Variants in SNX25 observed in about 807,000 individuals in gnomAD.
SNX25 encodes sorting nexin 25.
Under a neutral mutation model 113.7 loss-of-function variants are expected in SNX25, and 62 were observed. The observed-to-expected ratio is 0.55, with a 90% CI of 0.44 to 0.67. SNX25 has a LOEUF of 0.67. SNX25 is among the 30% of genes least tolerant of loss of function. SNX25 has a pLI of 0.00. For missense variants in SNX25, 1,014 were observed against 1,161.0 expected (o/e 0.87, Z 1.84); for synonymous variants, 421 against 436.2 (o/e 0.97, Z 0.43).
intron 9 of SNX25, among the ~76,000 whole-genome samples, chr4:185,328,633 G>A (rs1413849433): frequency 1.3e-5 from 2 of 152,196 alleles, no homozygotes; most frequent in Admixed American, 1.3e-4. Context: ...GTCATGCCAA[G>A]TTAAATTAAA....
intron 6 of SNX25, among the ~76,000 whole-genome samples, chr4:185,297,004 TGA>T (rs1752926735): frequency 6.6e-6 from 1 of 152,218 alleles, no homozygotes; most frequent in African/African-American, 2.4e-5. Context: ...TCAGTCTTCT[TGA>T]AATTCCACTG....
In SNX25 at chr4:185,349,216, A is replaced by G. The variant is rs149889497; in HGVS notation, c.2302-2229A>G. 3.2e-3 allele frequency among the ~76,000 whole-genome samples: 488 copies of G among 152,298 alleles called. 3 individuals are homozygous for G. Among genetic ancestry groups the G allele is most frequent in the African/African-American group, 0.011 (444 of 41,572 alleles). On this transcript the variant is annotated intron_variant, in intron 13 of 18. Transcript: ENST00000652585. ...CAAAAAATTCTCATAATGTTTTAAG[A>G]AAGTTCACAAATTTGCATTGGGCTG...
At chr4:185,257,426 G>A (rs1462521330) in intron 2 of SNX25, among the ~76,000 whole-genome samples, 4 of 151,996 alleles carry the variant, frequency 2.6e-5, no homozygotes, top group African/African-American at 7.3e-5. Context: ...ACTAGACAGC[G>A]GCTATAGAGC....
rs1169318484 is a variant in SNX25 at position 185,339,405 on chromosome 4, A to G, written c.1941A>G (p.Ile647Met). ...KKIVSKLKDE[I>M]ILIEKERTDL... ...TTGTTTCCAAGTTGAAGGATGAAATAATCCTAATAGAGAAAGAACGCACAG... is the reference window on the plus strand; with the variant it reads ...TTGTTTCCAAGTTGAAGGATGAAATGATCCTAATAGAGAAAGAACGCACAG... The change falls in exon 11 of 19, where the codon ATA (isoleucine) becomes ATG (methionine). Residue 647 changes from isoleucine to methionine, a missense_variant. Transcript: ENST00000652585. The G allele has an allele frequency of 1.2e-6, 2 of 1,613,936 alleles. No individual in the cohort carries two copies. The highest frequency in any genetic ancestry group is 2.7e-5 in the African/African-American group (2 of 74,932).
chr4:185,230,354 CTAA>C (rs994225066), intron 1 of SNX25, among the ~76,000 whole-genome samples: 41 of 151,348 alleles, frequency 2.7e-4, no homozygotes, highest in African/African-American at 9.5e-4. Context: ...TCTGATTTTC[CTAA>C]TAATAACACA....
rs942387352 is a variant in SNX25, at chr4:185,210,300, G to A, written c.429+45G>A. The stretch of plus-strand genomic sequence containing the variant: ...CCGCCCAGCTCCGCCGGCCCTCCCC[G>A]CTTCCGGTGCCAGCTCCCGCGCCCC... On this transcript the variant is annotated intron_variant, in intron 1 of 18. Coordinates refer to ENST00000652585, the MANE Select transcript of SNX25 (RefSeq NM_001378034.2). This position sits in a 1 kb window ranked among gnomAD's most constrained non-coding sequence, Gnocchi z 4.4. 884 of 984,488 alleles carry A rather than the reference G, an allele frequency of 9.0e-4. 2 individuals carry two copies. Among genetic ancestry groups the A allele is most frequent in the Non-Finnish European group, 1.0e-3 (836 of 829,738 alleles). 61.0% of individuals were successfully genotyped at this position (984,488 alleles called of 1,614,324 possible). A position where few individuals can be genotyped will look rare whatever the true frequency, so the allele number is the denominator to read the frequency against.
At chr4:185,362,921 C>T (rs2095372656) in intron 18 of SNX25, among the ~76,000 whole-genome samples, 1 of 149,056 alleles carries the variant, frequency 6.7e-6, no homozygotes, top group Non-Finnish European at 1.5e-5. Flanking sequence ...TGGCTCACTG[C>T]AACCTCTGCC....
chr4:185,239,460 C>T (rs754036934), intron 1 of SNX25, among the ~76,000 whole-genome samples: 3 of 149,522 alleles, frequency 2.0e-5, no homozygotes, highest in Admixed American at 2.0e-4. Flanking sequence ...TCCAGCCTGG[C>T]AACAGAGTGA....
intron 1 of SNX25, among the ~76,000 whole-genome samples, chr4:185,239,758 G>A (rs1743351195): frequency 1.4e-5 from 2 of 141,786 alleles, no homozygotes; most frequent in South Asian, 4.6e-4. Context: ...TAGAAAATAA[G>A]GTGTATTTTT....
chr4:185,363,498 G>C lies in SNX25; in HGVS notation c.*33G>C. On this transcript the variant is annotated 3_prime_UTR_variant, in exon 19 of 19. Transcript: ENST00000652585. This position sits in a 1 kb window ranked among gnomAD's most constrained non-coding sequence, Gnocchi z 4.2. ...CAAATAAACCACCAGAAAAATGTCT[G>C]TGTAATAATAGACATGAAACATTTT... 6.3e-7 allele frequency: 1 copy of C among 1,582,642 alleles called. No homozygotes were observed. The highest frequency in any genetic ancestry group is 8.7e-7 in the Non-Finnish European group (1 of 1,151,534).
Position 185,357,844 on chromosome 4 carries a change from T to A in SNX25, c.2651+107T>A, listed in dbSNP as rs982058462. The A allele has an allele frequency of 3.0e-5, 28 of 924,044 alleles. No homozygotes were observed. The East Asian group carries it at 6.5e-4, about 21-fold the overall frequency. 57.2% of individuals were successfully genotyped at this position (924,044 alleles called of 1,614,324 possible). ...AGTCATTTAACTGAAAGTCTTTAAT[T>A]TTCTCTCACTTTTCGTTTCTGATAT... On this transcript the variant is annotated intron_variant, in intron 16 of 18. Transcript: ENST00000652585.
At chr4:185,304,965 T>C (rs927303173) in intron 6 of SNX25, among the ~76,000 whole-genome samples, 12 of 152,122 alleles carry the variant, frequency 7.9e-5, no homozygotes, top group African/African-American at 2.2e-4. Flanking sequence ...AGAGAGCCCA[T>C]GTTGAGGAGT....
intron 1 of SNX25, among the ~76,000 whole-genome samples, chr4:185,217,442 C>T (rs1456030713): frequency 6.6e-6 from 1 of 152,090 alleles, no homozygotes; most frequent in Non-Finnish European, 1.5e-5. Context: ...TCCTTTTAAA[C>T]AATAAATTCA....
intron 6 of SNX25, among the ~76,000 whole-genome samples, chr4:185,310,170 A>G (rs545332865): frequency 6.7e-4 from 102 of 152,376 alleles, no homozygotes; most frequent in African/African-American, 2.4e-3. Context: ...AGCCCGTGTT[A>G]TAGGTGCTTG....
intron 16 of SNX25, among the ~76,000 whole-genome samples, chr4:185,358,944 A>G (rs764906915): frequency 2.0e-5 from 3 of 152,252 alleles, no homozygotes; most frequent in Non-Finnish European, 4.4e-5. Context: ...AAAGCTTATA[A>G]ATTTTAATAG....
chr4:185,377,309 G>A, the SNX25 span: 27 of 312,976 alleles, frequency 8.6e-5, no homozygotes, highest in South Asian at 1.7e-4. Flanking sequence ...ACCTGAGTTT[G>A]GGAGTTCAAG....
At chr4:185,377,218 G>T in the SNX25 span, 1 of 546,494 alleles carries the variant, frequency 1.8e-6, no homozygotes, top group Non-Finnish European at 3.3e-6. Flanking sequence ...ACTGTGCCTT[G>T]TGTAATAAAG....
chr4:185,258,863 A>G lies in SNX25; in HGVS notation c.530A>G (p.Tyr177Cys), dbSNP rs776668581. The change falls in exon 3 of 19, where the codon TAT (tyrosine) becomes TGT (cysteine). Residue 177 changes from tyrosine to cysteine, a missense_variant. Physicochemically the swap from Tyr to Cys is radical, Grantham distance 194. Transcript: ENST00000652585. ...TTCCTGGTAGTGTTCGACTACAGTT[A>G]TAGAGATTACATTCTGTCCTGGTAT... ...KALKEVFDYS[Y>C]RDYILSWYGN... The G allele has an allele frequency of 6.2e-7, 1 of 1,613,696 alleles. No homozygotes were observed. The highest frequency in any genetic ancestry group is 8.5e-7 in the Non-Finnish European group (1 of 1,179,622).
chr4:185,206,262 A>G (rs1737183868), upstream of SNX25, among the ~76,000 whole-genome samples: 1 of 152,246 alleles, frequency 6.6e-6, no homozygotes, highest in Non-Finnish European at 1.5e-5. Context: ...TTTGTTTATC[A>G]ACAGACAGAT....
Sources: gnomAD v4.1 joint callset for allele counts (sites outside exome capture counted in the v4.1 genomes callset) on GRCh38, gnomAD v4.1.1 for gene constraint, Gnocchi (gnomAD v3.1) non-coding constraint, MANE v1.5 for transcripts, NCBI Gene and HGNC (gene_info 2026-07-23, HGNC 2026-07-21) for gene names.